The following CAMK2D variants were observed in gnomAD, a reference collection of about 807,000 sequenced individuals.
CAMK2D encodes calcium/calmodulin-dependent protein kinase type II subunit delta.
CAMK2D carries 37 observed loss-of-function variants against 84.0 expected under a neutral mutation model. The observed-to-expected ratio is 0.44, with a 90% confidence interval of 0.34 to 0.58. CAMK2D has a LOEUF of 0.58. Among genes scored for constraint, CAMK2D ranks in the 20% least tolerant of loss-of-function variants. CAMK2D has a pLI of 0.02. For missense variants in CAMK2D, 448 were observed against 652.5 expected (o/e 0.69, Z 3.41); for synonymous variants, 202 against 212.5 (o/e 0.95, Z 0.43).
intron 5 of CAMK2D, among the ~76,000 whole-genome samples, chr4:113,547,973 A>T (rs2098595727): frequency 6.6e-6 from 1 of 152,212 alleles, no homozygotes; most frequent in African/African-American, 2.4e-5. Context: ...GTCATTCAAG[A>T]GATCATTTCC....
chr4:113,503,040 G>T, intron 14 of CAMK2D, 63 bp from the exon 15 acceptor site: 1 of 1,160,586 alleles, frequency 8.6e-7, no homozygotes, highest in Non-Finnish European at 1.3e-6. Context: ...TTTCTAGTGT[G>T]AAGGACAGAG....
intron 2 of CAMK2D, among the ~76,000 whole-genome samples, chr4:113,709,086 A>AAAAAT (rs550756573): frequency 3.9e-5 from 6 of 152,138 alleles, no homozygotes; most frequent in Non-Finnish European, 7.3e-5. Flanking sequence ...TTAAGGACAG[A>AAAAAT]AAAATATTGA....
At chr4:113,711,540 G>A (rs967494294) in intron 2 of CAMK2D, among the ~76,000 whole-genome samples, 3 of 152,098 alleles carry the variant, frequency 2.0e-5, no homozygotes, top group African/African-American at 7.2e-5. Flanking sequence ...TGGCCTCAAA[G>A]CAACTGCAAA....
intron 16 of CAMK2D, among the ~76,000 whole-genome samples, chr4:113,499,064 T>TTTAGA (rs1269583443): frequency 6.6e-6 from 1 of 152,156 alleles, no homozygotes; most frequent in Non-Finnish European, 1.5e-5. Flanking sequence ...ATATGAAACA[T>TTTAGA]TTAGCTTAGC....
chr4:113,654,742 T>G (rs1332671347), intron 3 of CAMK2D, among the ~76,000 whole-genome samples: 4 of 152,012 alleles, frequency 2.6e-5, no homozygotes, highest in Admixed American at 6.6e-5. Context: ...ATCATATACA[T>G]TTGGAAAATT....
Position 113,609,216 on chromosome 4 carries a change from A to T in CAMK2D, c.221-10T>A, listed in dbSNP as rs1256485876. On this transcript the variant is annotated splice_polypyrimidine_tract_variant and intron_variant, in intron 3 of 20. Coordinates refer to ENST00000511664, the MANE Select transcript of CAMK2D (RefSeq NM_001321571.2). Reference sequence around the variant, plus strand: ...CTATCATGAAGTCGCACTAGAAAAAAATAAGAGAAGAAAAATTGTGTTATA... The same window carrying T: ...CTATCATGAAGTCGCACTAGAAAAATATAAGAGAAGAAAAATTGTGTTATA... 6.5e-7 allele frequency: 1 copy of T among 1,535,268 alleles called. No individual in the cohort carries two copies. Among genetic ancestry groups the T allele is most frequent in the South Asian group, 1.1e-5 (1 of 89,400 alleles).
chr4:113,661,805 TA>T (rs1200095642), intron 2 of CAMK2D, 33 bp from the exon 3 acceptor site: 1 of 1,120,350 alleles, frequency 8.9e-7, no homozygotes, highest in East Asian at 2.6e-5. Context: ...AAGGCAAAAA[TA>T]AAGCAAAAAA....
At chr4:113,589,294 A>T (rs2098848140) in intron 4 of CAMK2D, among the ~76,000 whole-genome samples, 1 of 152,162 alleles carries the variant, frequency 6.6e-6, no homozygotes, top group Non-Finnish European at 1.5e-5. Context: ...TTTTACAGTG[A>T]TCCAGCAAGC....
chr4:113,517,425 C>A, intron 9 of CAMK2D, 138 bp downstream of exon 9: 1 of 443,916 alleles, frequency 2.3e-6, no homozygotes, highest in African/African-American at 1.9e-5. Flanking sequence ...TTTCTTTCTC[C>A]CTTTCCTTAA....
At chr4:113,670,224 G>T (rs1313169684) in intron 2 of CAMK2D, among the ~76,000 whole-genome samples, 2 of 152,172 alleles carry the variant, frequency 1.3e-5, no homozygotes, top group East Asian at 3.8e-4. Context: ...GGAAGTTGCA[G>T]TGAGCCAAGA....
intron 4 of CAMK2D, among the ~76,000 whole-genome samples, chr4:113,580,889 A>T (rs147742800): frequency 1.4e-5 from 2 of 139,722 alleles, no homozygotes; most frequent in East Asian, 4.6e-4. Context: ...TTTTTTAAAT[A>T]TATCAGTCAT....
At chr4:113,720,168 G>T in intron 2 of CAMK2D, among the ~76,000 whole-genome samples, 1 of 151,954 alleles carries the variant, frequency 6.6e-6, no homozygotes, top group East Asian at 1.9e-4. Context: ...ATTTGAAGGG[G>T]TCACAAATCA....
intron 2 of CAMK2D, among the ~76,000 whole-genome samples, chr4:113,710,825 A>G (rs143431466): frequency 1.2e-4 from 18 of 152,202 alleles, no homozygotes; most frequent in African/African-American, 4.3e-4. Context: ...CCAGCTTCAT[A>G]CTGAAAAATG....
intron 3 of CAMK2D, among the ~76,000 whole-genome samples, chr4:113,652,473 A>T (rs2099178133): frequency 6.6e-6 from 1 of 152,112 alleles, no homozygotes; most frequent in Non-Finnish European, 1.5e-5. Context: ...TAAAGGGAAA[A>T]GAGGAATGAT....
intron 4 of CAMK2D, among the ~76,000 whole-genome samples, chr4:113,606,431 C>T (rs2154264568): frequency 6.6e-6 from 1 of 151,470 alleles, no homozygotes; most frequent in East Asian, 1.9e-4. Flanking sequence ...GATCGCGCCA[C>T]TGCACTCAAG....
chr4:113,679,411 A>T (rs1030088099), intron 2 of CAMK2D: 2 of 955,352 alleles, frequency 2.1e-6, no homozygotes, highest in Non-Finnish European at 2.5e-6. Flanking sequence ...GCCTCTCCCC[A>T]GCCATTTTCT....
At chr4:113,707,945 C>T (rs1449976068) in intron 2 of CAMK2D, among the ~76,000 whole-genome samples, 3 of 152,174 alleles carry the variant, frequency 2.0e-5, no homozygotes, top group Non-Finnish European at 4.4e-5. Context: ...AGTTCCCTTC[C>T]ATTCTCTGGT....
intron 16 of CAMK2D, 39 bp from the exon 17 acceptor site, chr4:113,465,643 C>T: frequency 8.4e-7 from 1 of 1,190,440 alleles, no homozygotes; most frequent in Non-Finnish European, 1.2e-6. Context: ...GAATAAAAGA[C>T]AAAAGTCATA....
intron 2 of CAMK2D, among the ~76,000 whole-genome samples, chr4:113,668,465 C>A (rs2154321032): frequency 6.6e-6 from 1 of 152,172 alleles, no homozygotes; most frequent in Non-Finnish European, 1.5e-5. Flanking sequence ...CAAAAGAGGT[C>A]CTCAAAAAAT....
Sources: allele counts gnomAD v4.1 joint callset (sites outside exome capture counted in the v4.1 genomes callset), GRCh38; gene constraint gnomAD v4.1.1; transcripts MANE v1.5; gene names NCBI Gene and HGNC (gene_info 2026-07-23, HGNC 2026-07-21).